ERCC5: variants seen among roughly 807,000 people sequenced by gnomAD.
ERCC5 encodes DNA excision repair protein ERCC-5.
Under a neutral mutation model 105.6 loss-of-function variants are expected in ERCC5, and 68 were observed. The observed-to-expected ratio is 0.64, with a 90% CI of 0.53 to 0.79. The LOEUF is 0.79. ERCC5 is among the 30% of genes least tolerant of loss of function. ERCC5 has a pLI of 0.00. For synonymous variants in ERCC5, 546 were observed against 526.2 expected, an observed-to-expected ratio of 1.04 and a Z score of -0.51; for missense variants, 1,373 against 1,426.7, an observed-to-expected ratio of 0.96 and a Z score of 0.61.
intron 11 of ERCC5, among the ~76,000 whole-genome samples, chr13:102,867,352 G>C (rs2140533266): frequency 6.6e-6 from 1 of 152,360 alleles, no homozygotes; most frequent in South Asian, 2.1e-4. Flanking sequence ...TAAAGGAGAG[G>C]AGAGAGTGAA....
rs201666781 is a variant in ERCC5, at chr13:102,866,672, C to G, written c.2360C>G (p.Pro787Arg). The G allele has an allele frequency of 6.2e-7, 1 of 1,614,070 alleles. No homozygotes were observed. The highest frequency in any genetic ancestry group is 2.2e-5 in the East Asian group (1 of 44,890). ...RLFGIPYIQA[P>R]MEAEAQCAIL... The stretch of plus-strand genomic sequence containing the variant: ...TTCGGCATTCCCTACATCCAGGCTC[C>G]CATGGAAGCAGAGGCGCAGTGCGCC... Residue 787 changes from proline to arginine, a missense_variant, in exon 11 of 15, where the codon CCC (proline) becomes CGC (arginine). Around this residue, in one of 3 missense-constraint regions of ERCC5, gnomAD observed 1,004 missense variants for 1,059.7 expected, o/e 0.95. Transcript: ENST00000652225.
intron 13 of ERCC5, among the ~76,000 whole-genome samples, chr13:102,872,707 A>G (rs1443264573): frequency 2.0e-5 from 3 of 152,146 alleles, no homozygotes; most frequent in African/African-American, 7.2e-5. Context: ...TAAGTAGCAC[A>G]AGCCACTGCA....
Position 102,853,943 on chromosome 13 carries a change from A to T in ERCC5, c.380+71A>T. ...GTGATTTTTGTCTTGATTTCCTGCGATTCTCTTTCCCTATCTAATTTTGAC... is the reference window on the plus strand; with the variant it reads ...GTGATTTTTGTCTTGATTTCCTGCGTTTCTCTTTCCCTATCTAATTTTGAC... On this transcript the variant is annotated intron_variant, in intron 3 of 14. Transcript: ENST00000652225. 2.8e-6 allele frequency: 4 copies of T among 1,426,208 alleles called. No homozygotes were observed. The South Asian group carries it at 4.7e-5, about 17-fold the overall frequency. The allele number at this position is 1,426,208 out of a possible 1,614,324, so 88.3% of individuals were successfully genotyped here.
In ERCC5 at chr13:102,861,797, G is replaced by A. The variant is rs1043495645; in HGVS notation, c.880+83G>A. 20 of 1,511,374 alleles carry A rather than the reference G, an allele frequency of 1.3e-5. No homozygotes were observed. The Admixed American group carries it at 3.9e-4, about 30-fold the overall frequency. 93.6% of individuals were successfully genotyped at this position (1,511,374 alleles called of 1,614,324 possible). On this transcript the variant is annotated intron_variant, in intron 7 of 14. Transcript: ENST00000652225. ...CTGAATTCTATAAACTAGCACCCCT[G>A]GATAATATTAATGAAATTCTATTTA...
intron 11 of ERCC5, among the ~76,000 whole-genome samples, chr13:102,867,763 C>T (rs990678589): frequency 2.6e-5 from 4 of 152,076 alleles, no homozygotes; most frequent in Admixed American, 1.3e-4. Context: ...GGAGGAGAAA[C>T]GAAGTGTTCA....
chr13:102,855,811 G>A (rs1882393241), intron 4 of ERCC5, among the ~76,000 whole-genome samples: 1 of 152,138 alleles, frequency 6.6e-6, no homozygotes, highest in Admixed American at 6.5e-5. Context: ...TAAATTGGGT[G>A]AGGTGACTCC....
chr13:102,862,917 G>GT lies in ERCC5; in HGVS notation c.1769dup (p.Ser591LysfsTer9), dbSNP rs1566469302. ...CAGTTTGCAAGAAACAAGTAGCATA[G>GT]TAAGTGTCCCTTCAGAGGCAGTAGA... On this transcript the variant is annotated frameshift_variant, in exon 8 of 15. Coordinates refer to ENST00000652225, the MANE Select transcript of ERCC5 (RefSeq NM_000123.4). LOFTEE classifies it high-confidence loss of function. 2.5e-6 allele frequency: 4 copies of GT among 1,614,222 alleles called. No individual in the cohort carries two copies. Among genetic ancestry groups the GT allele is most frequent in the South Asian group, 2.2e-5 (2 of 91,082 alleles).
chr13:102,867,653 A>G (rs1882885583), intron 11 of ERCC5, among the ~76,000 whole-genome samples: 1 of 152,190 alleles, frequency 6.6e-6, no homozygotes, highest in South Asian at 2.1e-4. Flanking sequence ...GGCAGATTGA[A>G]TGTGGGGTGG....
In ERCC5 at chr13:102,863,011, A is replaced by G. The variant is rs1269426189; in HGVS notation, c.1862A>G (p.Gln621Arg). ...AATTTTCTGGAAACCATCCAAGAAC[A>G]GCAGACCACTGAATCTGCAGGCCAG... ...HENFLETIQE[Q>R]QTTESAGQDL... Residue 621 changes from glutamine (Q) to arginine (R), a missense_variant, in exon 8 of 15, where the codon CAG becomes CGG. Around this residue, in one of 3 missense-constraint regions of ERCC5, gnomAD observed 1,004 missense variants for 1,059.7 expected, o/e 0.95. Transcript: ENST00000652225. The G allele has an allele frequency of 6.2e-7, 1 of 1,614,240 alleles. No homozygotes were observed. The highest frequency in any genetic ancestry group is 2.2e-5 in the East Asian group (1 of 44,888).
chr13:102,859,123 T>C (rs935288202), intron 6 of ERCC5, among the ~76,000 whole-genome samples: 2 of 152,220 alleles, frequency 1.3e-5, no homozygotes, highest in Non-Finnish European at 1.5e-5. Context: ...CATGTTACTA[T>C]TGATGACTCC....
intron 14 of ERCC5, chr13:102,874,880 G>A (rs4150383): frequency 0.14 from 23,650 of 165,618 alleles, 1,839 homozygotes; most frequent in Non-Finnish European, 0.18. Flanking sequence ...TCTTACAGTT[G>A]CTAATATATA....
At position 102,862,436 on chromosome 13, in the gene ERCC5, T is replaced by A. The variant is rs146853061; in HGVS notation, c.1287T>A (p.Asp429Glu). ...TAAACAGCTCCACCGAGAACAGTGATGAAGGACTTAAAGTGAGAGATGGAA... is the reference window on the plus strand; with the variant it reads ...TAAACAGCTCCACCGAGAACAGTGAAGAAGGACTTAAAGTGAGAGATGGAA... ...MRINSSTENSDEGLKVRDGKG... is the reference protein window; with the variant it reads ...MRINSSTENSEEGLKVRDGKG... The change falls in exon 8 of 15, where the codon GAT (aspartate) becomes GAA (glutamate). Residue 429 changes from aspartate to glutamate, a missense_variant. Physicochemically the swap from Asp to Glu is conservative, Grantham distance 45. Transcript: ENST00000652225. 25 of 1,613,698 alleles carry A rather than the reference T, an allele frequency of 1.5e-5. No homozygotes were observed. Among genetic ancestry groups the A allele is most frequent in the Non-Finnish European group, 2.1e-5 (25 of 1,179,998 alleles).
chr13:102,872,985 T>G (rs1255470542), intron 13 of ERCC5, among the ~76,000 whole-genome samples: 1 of 152,228 alleles, frequency 6.6e-6, no homozygotes, highest in Middle Eastern at 3.2e-3. Flanking sequence ...TTGTTTTTAT[T>G]CCAGTTAACC....
chr13:102,873,770 G>A (rs1019246507), intron 14 of ERCC5, among the ~76,000 whole-genome samples: 1 of 152,166 alleles, frequency 6.6e-6, no homozygotes, highest in Non-Finnish European at 1.5e-5. Context: ...TCATTATTGT[G>A]TATCAGTAGG....
intron 10 of ERCC5, 118 bp downstream of exon 10, chr13:102,866,499 C>G: frequency 6.2e-7 from 1 of 1,603,970 alleles, no homozygotes; most frequent in Non-Finnish European, 8.5e-7. Flanking sequence ...GATGCCGTTC[C>G]CTGGGGGTCA....
intron 1 of ERCC5, chr13:102,849,532 G>A: frequency 4.6e-6 from 2 of 437,244 alleles, no homozygotes; most frequent in Non-Finnish European, 9.2e-6. Context: ...TTTCCACTAG[G>A]TATTTTGTTA....
Position 102,866,419 on chromosome 13 carries a change from T to C in ERCC5, c.2319+38T>C, listed in dbSNP as rs6491716. 1,613,450 of 1,614,010 alleles carry C rather than the reference T, an allele frequency of 1. 806,446 individuals carry two copies. The highest frequency in any genetic ancestry group is 1 in the Middle Eastern group (6,056 of 6,056). Reference sequence around the variant, plus strand: ...AGCTTGGGTTTCCTTTACCACCTTCTTCAGACCCCTGGGGGAATGCACTGC... The same window carrying C: ...AGCTTGGGTTTCCTTTACCACCTTCCTCAGACCCCTGGGGGAATGCACTGC... On this transcript the variant is annotated intron_variant, in intron 10 of 14. Transcript: ENST00000652225.
At chr13:102,871,201 T>A (rs1248011360) in intron 12 of ERCC5, among the ~76,000 whole-genome samples, 1 of 152,156 alleles carries the variant, frequency 6.6e-6, no homozygotes, top group South Asian at 2.1e-4. Flanking sequence ...CATAGCATGT[T>A]GGAGCCAAGA....
chr13:102,867,832 A>G, intron 11 of ERCC5, among the ~76,000 whole-genome samples: 1 of 152,214 alleles, frequency 6.6e-6, no homozygotes, highest in Non-Finnish European at 1.5e-5. Context: ...TGTTGAGTTG[A>G]TAGTTGAATA....
Sources: allele counts gnomAD v4.1 joint callset (sites outside exome capture counted in the v4.1 genomes callset), GRCh38; gene constraint gnomAD v4.1.1; regional missense constraint gnomAD v4.1.1; transcripts MANE v1.5; gene names NCBI Gene and HGNC (gene_info 2026-07-23, HGNC 2026-07-21).